The following HSPA4 variants were observed in gnomAD, a reference collection of about 807,000 sequenced individuals.
HSPA4 encodes the protein heat shock protein family A (Hsp70) member 4, also known as heat shock 70 kDa protein 4.
HSPA4 carries 25 observed loss-of-function variants against 106.2 expected under a neutral mutation model. That is an observed-to-expected ratio of 0.24 (90% CI 0.17 to 0.33). The LOEUF (loss-of-function observed/expected upper bound fraction) is 0.33, where lower values mean the gene tolerates loss of function less well. HSPA4 is among the 10% of genes least tolerant of loss of function. HSPA4 has a pLI of 1.00. For missense variants in HSPA4, 841 were observed against 996.0 expected (o/e 0.84, Z 2.10); for synonymous variants, 332 against 333.6 (o/e 1.00, Z 0.05).
At chr5:133,070,745 T>A (rs963303417) in intron 4 of HSPA4, among the ~76,000 whole-genome samples, 1 of 151,900 alleles carries the variant, frequency 6.6e-6, no homozygotes, top group African/African-American at 2.4e-5. Context: ...CTACTAAAAA[T>A]ACAAAAATTA....
chr5:133,065,392 A>T (rs1561577184), intron 2 of HSPA4, among the ~76,000 whole-genome samples: 2 of 152,226 alleles, frequency 1.3e-5, no homozygotes, highest in Non-Finnish European at 2.9e-5. Flanking sequence ...GAGGATGTGC[A>T]TAGGTTATAG....
chr5:133,074,070 A>G lies in HSPA4; in HGVS notation c.607A>G (p.Met203Val). The G allele has an allele frequency of 1.2e-6, 2 of 1,607,576 alleles. No individual in the cohort carries two copies. The highest frequency in any genetic ancestry group is 1.7e-6 in the Non-Finnish European group (2 of 1,176,576). The change falls in exon 6 of 19, where the codon ATG becomes GTG. Residue 203 changes from methionine (M) to valine (V), a missense_variant. By Grantham distance (21) the Met-to-Val change is conservative. This residue lies in a region of HSPA4 where 347 missense variants were observed against 408.7 expected (regional missense o/e 0.85). Coordinates refer to ENST00000304858, the MANE Select transcript of HSPA4 (RefSeq NM_002154.4). ...EKPRNVVFVD[M>V]GHSAYQVSVC... ...ACCAAGAAATGTAGTTTTTGTAGAC[A>G]TGGGCCACTCTGCTTATCAAGTTTC...
chr5:133,097,485 C>T (rs747034893), intron 15 of HSPA4, among the ~76,000 whole-genome samples, 199 bp downstream of exon 15: 4 of 151,110 alleles, frequency 2.6e-5, no homozygotes, highest in Admixed American at 6.6e-5. Context: ...TTGTGCATCA[C>T]GTTCACAAAT....
intron 6 of HSPA4, among the ~76,000 whole-genome samples, chr5:133,075,088 A>G (rs1038594055): frequency 6.6e-6 from 1 of 152,206 alleles, no homozygotes; most frequent in East Asian, 1.9e-4. Flanking sequence ...GTTTCTTTGA[A>G]AAATAGACGT....
At chr5:133,055,307 ATTTTTTTTTTTT>A (rs397999293) in intron 1 of HSPA4, among the ~76,000 whole-genome samples, 24 of 60,108 alleles carry the variant, frequency 4.0e-4, no homozygotes, top group South Asian at 2.1e-3. Context: ...AGGAAGGTTG[ATTTTTTTTTTTT>A]TTTTTTTTTT....
intron 3 of HSPA4, among the ~76,000 whole-genome samples, chr5:133,067,879 C>T (rs917910052): frequency 1.3e-5 from 2 of 148,642 alleles, no homozygotes; most frequent in Admixed American, 1.4e-4. Flanking sequence ...GAAGAGCAGG[C>T]AAAGCAATCA....
At chr5:133,090,843 T>C (rs1232879627) in intron 11 of HSPA4, among the ~76,000 whole-genome samples, 2 of 151,728 alleles carry the variant, frequency 1.3e-5, no homozygotes, top group Admixed American at 6.6e-5. Context: ...GTGGAATCAT[T>C]TTTTTTTTCT....
At chr5:133,087,396 G>T (rs1464734540) in intron 8 of HSPA4, among the ~76,000 whole-genome samples, 1 of 151,708 alleles carries the variant, frequency 6.6e-6, no homozygotes, top group Non-Finnish European at 1.5e-5. Context: ...TATACTGTCA[G>T]CTTGGCACAG....
chr5:133,097,544 CTTTTCTTTTTTTT>C (rs1037157705), intron 15 of HSPA4, among the ~76,000 whole-genome samples: 36 of 136,574 alleles, frequency 2.6e-4, no homozygotes, highest in Admixed American at 5.7e-4. Flanking sequence ...TCTTTCTTTT[CTTTTCTTTTTTTT>C]TTTTTTTTGA....
intron 7 of HSPA4, among the ~76,000 whole-genome samples, chr5:133,080,474 T>C (rs1454659085): frequency 6.6e-6 from 1 of 151,186 alleles, no homozygotes; most frequent in South Asian, 2.1e-4. Flanking sequence ...ATTTTGATGT[T>C]GGTTATTTTG....
At chr5:133,102,269 T>C (rs1765795069) in intron 17 of HSPA4, among the ~76,000 whole-genome samples, 1 of 152,250 alleles carries the variant, frequency 6.6e-6, no homozygotes, top group South Asian at 2.1e-4. Flanking sequence ...AGCATTTTTT[T>C]CTCTTGTTCT....
At chr5:133,057,706 G>A (rs2126692359) in intron 1 of HSPA4, among the ~76,000 whole-genome samples, 1 of 152,338 alleles carries the variant, frequency 6.6e-6, no homozygotes, top group East Asian at 1.9e-4. Context: ...GATTAGAACA[G>A]AGGGATCTTA....
chr5:133,071,673 T>TGCATTGATTGGCAAA (rs755742743), intron 4 of HSPA4, among the ~76,000 whole-genome samples: 3 of 152,220 alleles, frequency 2.0e-5, no homozygotes, highest in Non-Finnish European at 4.4e-5. Context: ...TTAATGTTGG[T>TGCATTGATTGGCAAA]GCATTGATTG....
chr5:133,073,505 GCTTTTTGTGTAC>G (rs1206904537), intron 5 of HSPA4, among the ~76,000 whole-genome samples, 176 bp downstream of exon 5: 1 of 152,198 alleles, frequency 6.6e-6, no homozygotes. Flanking sequence ...TCTGACCAGT[GCTTTTTGTGTAC>G]CTTTATAGCA....
chr5:133,071,713 C>G (rs1765384256), intron 4 of HSPA4, among the ~76,000 whole-genome samples: 1 of 152,162 alleles, frequency 6.6e-6, no homozygotes, highest in Admixed American at 6.5e-5. Flanking sequence ...GTGGCTTTTT[C>G]ACCCCAGAGT....
At chr5:133,055,307 ATTTTTTTTTTTTTTTTTTT>A (rs397999293) in intron 1 of HSPA4, among the ~76,000 whole-genome samples, 6 of 60,064 alleles carry the variant, frequency 1.0e-4, no homozygotes, top group South Asian at 1.4e-3. Flanking sequence ...AGGAAGGTTG[ATTTTTTTTTTTTTTTTTTT>A]TTTTTTTTTT....
intron 8 of HSPA4, 76 bp downstream of exon 8, chr5:133,086,934 C>T: frequency 8.5e-7 from 1 of 1,173,190 alleles, no homozygotes; most frequent in South Asian, 1.3e-5. Context: ...CTTACTTTTG[C>T]AAGCAGTGAT....
At chr5:133,082,754 C>T (rs1457459568) in intron 7 of HSPA4, among the ~76,000 whole-genome samples, 3 of 152,162 alleles carry the variant, frequency 2.0e-5, no homozygotes, top group Admixed American at 6.5e-5. Context: ...AGCCACCTCA[C>T]CCGGACGGGA....
intron 2 of HSPA4, among the ~76,000 whole-genome samples, chr5:133,066,398 G>A (rs916236198): frequency 6.6e-6 from 1 of 152,124 alleles, no homozygotes; most frequent in Non-Finnish European, 1.5e-5. Context: ...ATTTTTGTCA[G>A]CATTTTCCCC....
Sources: gnomAD v4.1 joint callset for allele counts (sites outside exome capture counted in the v4.1 genomes callset) on GRCh38, gnomAD v4.1.1 for gene constraint, gnomAD v4.1.1 regional missense constraint, MANE v1.5 for transcripts, NCBI Gene and HGNC (gene_info 2026-07-23, HGNC 2026-07-21) for gene names.